The following AOPEP variants were observed in gnomAD, a reference collection of about 807,000 sequenced individuals.
AOPEP encodes the protein aminopeptidase O (putative).
In AOPEP, 77 loss-of-function variants were observed where a neutral mutation model predicts 98.1. The ratio of observed to expected loss-of-function variants is 0.78; its 90% CI spans 0.65 to 0.95. The LOEUF (loss-of-function observed/expected upper bound fraction) is 0.95, where lower values mean the gene tolerates loss of function less well. AOPEP is among the 40% of genes least tolerant of loss of function. The pLI is 0.00. For missense variants in AOPEP, 1,024 were observed against 1,024.7 expected (o/e 1.00, Z 0.01); for synonymous variants, 346 against 365.3 (o/e 0.95, Z 0.60).
chr9:94,936,555 C>G (rs939675395), intron 7 of AOPEP, among the ~76,000 whole-genome samples: 6 of 152,190 alleles, frequency 3.9e-5, no homozygotes, highest in Admixed American at 1.3e-4. Context: ...CCACAACCAT[C>G]AACACAGAAG....
rs138688777 is a variant in AOPEP at position 94,870,748 on chromosome 9, T to C, written c.1365-53238T>C. Among the ~76,000 whole-genome samples, 421 of 152,284 alleles carry C rather than the reference T, an allele frequency of 2.8e-3. 11 individuals are homozygous for C. The highest frequency in any genetic ancestry group is 0.025 in the Admixed American group (387 of 15,288). On this transcript the variant is annotated intron_variant, in intron 5 of 16. Transcript: ENST00000375315. The stretch of plus-strand genomic sequence containing the variant: ...ATAAGTTGGATCTGGGTCGGCCAAG[T>C]GGGAAAAGTAGTAAAATGTTAGTGG...
chr9:95,003,165 T>TGCGC (rs58360838), intron 11 of AOPEP, among the ~76,000 whole-genome samples: 15 of 146,058 alleles, frequency 1.0e-4, no homozygotes, highest in African/African-American at 2.5e-4. Flanking sequence ...TGTGTGTGTG[T>TGCGC]GCGCGCGCGC....
At chr9:95,119,876 T>C in the AOPEP span, among the ~76,000 whole-genome samples, 1 of 152,162 alleles carries the variant, frequency 6.6e-6, no homozygotes, top group African/African-American at 2.4e-5. Context: ...CACGTTCAGC[T>C]AAATTTTGTA....
chr9:95,054,237 C>T lies in AOPEP; in HGVS notation c.2116-6457C>T, dbSNP rs186996155. On this transcript the variant is annotated intron_variant, in intron 13 of 16. Transcript: ENST00000375315. ...GATTATTTTCTTGAGAAGCATAGAT[C>T]AGGAATGTTTTCCCTTTGGCCCCTT... Among the ~76,000 whole-genome samples, 398 of 152,190 alleles carry T rather than the reference C, an allele frequency of 2.6e-3. 2 individuals carry two copies. Among genetic ancestry groups the T allele is most frequent in the African/African-American group, 9.0e-3 (375 of 41,516 alleles).
At chr9:94,771,095 C>T (rs998151303) in intron 2 of AOPEP, among the ~76,000 whole-genome samples, 1 of 152,112 alleles carries the variant, frequency 6.6e-6, no homozygotes, top group African/African-American at 2.4e-5. Context: ...CCTTGGGGGC[C>T]ACATACCTAA....
Position 94,930,740 on chromosome 9 carries a change from A to G in AOPEP, c.1661+2209A>G, listed in dbSNP as rs2055153527. ...GGGCGAAAGAGAGAGAAGTGGGACTACATGGGTGATGGAGAAGGAAGTCAG... is the reference window on the plus strand; with the variant it reads ...GGGCGAAAGAGAGAGAAGTGGGACTGCATGGGTGATGGAGAAGGAAGTCAG... On this transcript the variant is annotated intron_variant, in intron 7 of 16. Coordinates refer to ENST00000375315, the MANE Select transcript of AOPEP (RefSeq NM_001193329.3). The surrounding 1 kb of genome is among the most constrained non-coding windows in gnomAD (Gnocchi z 4.5). Among the ~76,000 whole-genome samples, 1 of 152,126 alleles carries G rather than the reference A, an allele frequency of 6.6e-6. No homozygotes were observed. The highest frequency in any genetic ancestry group is 6.5e-5 in the Admixed American group (1 of 15,280).
At chr9:95,101,182 A>T in the AOPEP span, 1 of 251,392 alleles carries the variant, frequency 4.0e-6, no homozygotes, top group Non-Finnish European at 7.8e-6. Flanking sequence ...GTCCAGGGAG[A>T]CACAAGGGAA....
intron 13 of AOPEP, among the ~76,000 whole-genome samples, chr9:95,014,556 A>G (rs1226606207): frequency 1.3e-5 from 2 of 152,282 alleles, no homozygotes; most frequent in South Asian, 2.1e-4. Context: ...TGTGAAAAGT[A>G]AATAGTGGCT....
chr9:94,729,532 C>T (rs1192334243), intron 1 of AOPEP, among the ~76,000 whole-genome samples: 3 of 150,508 alleles, frequency 2.0e-5, no homozygotes, highest in African/African-American at 7.3e-5. Flanking sequence ...GTGGTGGCGC[C>T]ACTGCACTCC....
intron 14 of AOPEP, among the ~76,000 whole-genome samples, chr9:95,067,167 G>A (rs2067993007): frequency 6.6e-6 from 1 of 152,088 alleles, no homozygotes; most frequent in Admixed American, 6.5e-5. Flanking sequence ...TGTGAGAGGT[G>A]GATCTGTCTG....
At chr9:94,960,937 G>A (rs922912306) in intron 9 of AOPEP, among the ~76,000 whole-genome samples, 5 of 151,446 alleles carry the variant, frequency 3.3e-5, no homozygotes, top group African/African-American at 9.7e-5. Context: ...GCGTGAACCC[G>A]GGAGGCGGAG....
At chr9:95,041,494 C>T (rs2065307675) in intron 13 of AOPEP, among the ~76,000 whole-genome samples, 2 of 117,144 alleles carry the variant, frequency 1.7e-5, no homozygotes, top group African/African-American at 3.2e-5. Flanking sequence ...GAGGGAGAGA[C>T]ACTAAAAAAG....
chr9:94,992,016 A>C (rs1233474293), intron 11 of AOPEP, among the ~76,000 whole-genome samples: 2 of 152,256 alleles, frequency 1.3e-5, no homozygotes, highest in African/African-American at 4.8e-5. Context: ...ATGGTTAAAC[A>C]AAAAGTGTAT....
intron 11 of AOPEP, among the ~76,000 whole-genome samples, chr9:94,992,700 C>A (rs2060973987): frequency 1.3e-5 from 2 of 152,190 alleles, no homozygotes. Context: ...AGGCTCACTG[C>A]CTCTTTGGGG....
At chr9:94,842,786 AT>A (rs1337674055) in intron 5 of AOPEP, among the ~76,000 whole-genome samples, 55 of 152,258 alleles carry the variant, frequency 3.6e-4, no homozygotes, top group African/African-American at 1.3e-3. Flanking sequence ...CACCATCTCA[AT>A]AAAAATTAAT....
At chr9:94,881,198 A>T (rs2047543822) in intron 5 of AOPEP, among the ~76,000 whole-genome samples, 2 of 151,788 alleles carry the variant, frequency 1.3e-5, no homozygotes, top group South Asian at 4.2e-4. Context: ...ATTCCCTAAA[A>T]CCAGCTCAGA....
chr9:94,790,409 C>T (rs558286543), intron 3 of AOPEP, among the ~76,000 whole-genome samples: 5 of 152,198 alleles, frequency 3.3e-5, no homozygotes, highest in East Asian at 1.9e-4. Context: ...TCAAGTGATC[C>T]GCCTGCCTCT....
Position 95,086,721 on chromosome 9 carries a change from G to A in AOPEP, c.*44G>A. The A allele has an allele frequency of 1.0e-6, 1 of 988,394 alleles. No individual in the cohort carries two copies. Among genetic ancestry groups the A allele is most frequent in the Non-Finnish European group, 1.2e-6 (1 of 830,476 alleles). The allele number at this position is 988,394 out of a possible 1,614,324, so 61.2% of individuals were successfully genotyped here. On this transcript the variant is annotated 3_prime_UTR_variant, in exon 17 of 17. Coordinates refer to ENST00000375315, the MANE Select transcript of AOPEP (RefSeq NM_001193329.3). ...AGATTCTTTCATTCGTCTCCTCCTA[G>A]CCTGGGGGACCAGGCTCGAACTGAC... is the stretch of plus-strand genomic sequence containing the variant.
intron 6 of AOPEP, among the ~76,000 whole-genome samples, chr9:94,924,762 G>A (rs1206745868): frequency 2.0e-5 from 3 of 152,064 alleles, no homozygotes; most frequent in Non-Finnish European, 1.5e-5. Context: ...GAAGGAAGGA[G>A]GGCTCAATAT....
Sources: gnomAD v4.1 joint callset for allele counts (sites outside exome capture counted in the v4.1 genomes callset) on GRCh38, gnomAD v4.1.1 for gene constraint, Gnocchi (gnomAD v3.1) non-coding constraint, MANE v1.5 for transcripts, NCBI Gene and HGNC (gene_info 2026-07-23, HGNC 2026-07-21) for gene names.